The following SCEL variants were observed in gnomAD, a reference collection of about 807,000 sequenced individuals.
SCEL encodes the protein sciellin.
A neutral mutation model predicts 117.6 loss-of-function variants in SCEL; 113 were observed. The observed-to-expected ratio is 0.96, with a 90% confidence interval of 0.83 to 1.12. The LOEUF (loss-of-function observed/expected upper bound fraction) is 1.12. SCEL is among the 50% of genes most tolerant of loss of function. SCEL has a pLI of 0.00. For missense variants in SCEL, 785 were observed against 810.8 expected (o/e 0.97, Z 0.39); for synonymous variants, 270 against 256.2 (o/e 1.05, Z -0.51).
intron 20 of SCEL, 136 bp from the exon 21 acceptor site, chr13:77,608,922 G>A (rs748249915): frequency 3.0e-6 from 2 of 664,788 alleles, no homozygotes; most frequent in Non-Finnish European, 2.5e-6. Context: ...TTTAAATTAA[G>A]AGCATAGACT....
intron 27 of SCEL, among the ~76,000 whole-genome samples, chr13:77,626,766 T>A (rs902553008): frequency 2.0e-5 from 3 of 152,148 alleles, no homozygotes; most frequent in South Asian, 2.1e-4. Flanking sequence ...CCTCTTTTCT[T>A]CATAAATTAC....
chr13:77,607,545 G>T (rs926122775), intron 19 of SCEL, among the ~76,000 whole-genome samples: 5 of 152,276 alleles, frequency 3.3e-5, no homozygotes, highest in South Asian at 2.1e-4. Flanking sequence ...GCATATCATA[G>T]ATTTTTAACA....
chr13:77,596,176 T>C (rs2087216566), intron 12 of SCEL, among the ~76,000 whole-genome samples: 1 of 151,960 alleles, frequency 6.6e-6, no homozygotes, highest in Non-Finnish European at 1.5e-5. Flanking sequence ...CTACTAAAAC[T>C]ACAAAAATTA....
chr13:77,593,295 T>TGTGTGTGTGCGCGCGCGC (rs796907419), intron 11 of SCEL, among the ~76,000 whole-genome samples: 79 of 136,880 alleles, frequency 5.8e-4, no homozygotes, highest in South Asian at 2.6e-3. Flanking sequence ...TGTGTGTGTG[T>TGTGTGTGTGCGCGCGCGC]GTCTGTGTGT....
chr13:77,632,877 CTG>C (rs2090088631), intron 28 of SCEL, among the ~76,000 whole-genome samples: 1 of 152,158 alleles, frequency 6.6e-6, no homozygotes, highest in South Asian at 2.1e-4. Context: ...AAAATGAAGA[CTG>C]GAATTTCTCA....
intron 1 of SCEL, among the ~76,000 whole-genome samples, chr13:77,536,427 G>A (rs1191899658): frequency 1.3e-5 from 2 of 152,106 alleles, no homozygotes; most frequent in Admixed American, 6.6e-5. Flanking sequence ...GGCAGGGTGT[G>A]GGAGCAGAAT....
In SCEL at chr13:77,554,608, C is replaced by T. The variant is rs9574087; in HGVS notation, c.-19-1249C>T. ...AGCTATAGACAGCTGTCCAATAATA[C>T]TGCCTTAAGTCCAATAGCATTGATA... On this transcript the variant is annotated intron_variant, in intron 1 of 32. Transcript: ENST00000349847. Among the ~76,000 whole-genome samples the T allele has an allele frequency of 1.8e-3, 278 of 152,318 alleles. 2 individuals carry two copies. The East Asian group carries it at 0.024, about 13-fold the overall frequency.
chr13:77,536,731 A>T (rs1176669639), intron 1 of SCEL, among the ~76,000 whole-genome samples: 1 of 152,182 alleles, frequency 6.6e-6, no homozygotes. Flanking sequence ...ACAGCTTGCA[A>T]ATTGCAGCTC....
At chr13:77,631,517 G>A (rs934369757) in intron 28 of SCEL, among the ~76,000 whole-genome samples, 4 of 152,164 alleles carry the variant, frequency 2.6e-5, no homozygotes, top group African/African-American at 9.7e-5. Context: ...TATTAATTCT[G>A]TAGGTTTGAC....
Position 77,599,085 on chromosome 13 carries a change from G to A in SCEL, c.798-244G>A, listed in dbSNP as rs142881772. On this transcript the variant is annotated intron_variant, in intron 13 of 32. Transcript: ENST00000349847. ...GGGTAGAAATGCTCCATGAATCCAA[G>A]TAACACCTCTATAGACCTATTGTGG... Among the ~76,000 whole-genome samples, 133 of 152,276 alleles carry A rather than the reference G, an allele frequency of 8.7e-4. 1 individual carries two copies. The highest frequency in any genetic ancestry group is 3.1e-3 in the African/African-American group (129 of 41,554).
intron 2 of SCEL, among the ~76,000 whole-genome samples, 179 bp downstream of exon 2, chr13:77,556,097 G>C (rs2084641403): frequency 6.6e-6 from 1 of 152,100 alleles, no homozygotes; most frequent in East Asian, 1.9e-4. Context: ...TCATGTAATT[G>C]GAATTCAATT....
At chr13:77,638,275 G>A (rs1223602076) in intron 30 of SCEL, among the ~76,000 whole-genome samples, 3 of 152,120 alleles carry the variant, frequency 2.0e-5, no homozygotes, top group Non-Finnish European at 4.4e-5. Context: ...TTGCCCATTA[G>A]CAATGCTTTG....
intron 19 of SCEL, among the ~76,000 whole-genome samples, chr13:77,607,362 C>A (rs1322738505): frequency 1.3e-5 from 2 of 152,166 alleles, no homozygotes; most frequent in Admixed American, 1.3e-4. Flanking sequence ...GAGTGTTGCG[C>A]TTTATATTAC....
chr13:77,602,726 C>T lies in SCEL; in HGVS notation c.1037+13C>T, dbSNP rs1382730482. 6.2e-7 allele frequency: 1 copy of T among 1,606,514 alleles called. No homozygotes were observed. The highest frequency in any genetic ancestry group is 1.3e-5 in the African/African-American group (1 of 74,768). On this transcript the variant is annotated intron_variant, in intron 17 of 32. Coordinates refer to ENST00000349847, the MANE Select transcript of SCEL (RefSeq NM_144777.3). ...AAACGAGCAGAAGGTGAGAACTGAA[C>T]AGATGTCTCTAAATATTGGTTATTT...
intron 8 of SCEL, among the ~76,000 whole-genome samples, chr13:77,571,060 G>A (rs541630461): frequency 1.3e-5 from 2 of 151,304 alleles, no homozygotes; most frequent in Admixed American, 1.3e-4. Context: ...TTGAGCTCCT[G>A]ACCTCGTGAT....
chr13:77,640,846 ATAATT>A (rs1276737953), intron 31 of SCEL, 62 bp downstream of exon 31: 6 of 866,066 alleles, frequency 6.9e-6, no homozygotes, highest in Non-Finnish European at 9.0e-6. Flanking sequence ...GAATAAAATA[ATAATT>A]TAATGTAATA....
chr13:77,567,115 A>AATGAAAATGAAAATAGAGTTC lies in SCEL; in HGVS notation c.291-564_291-563insTGAAAATGAAAATAGAGTTCA, dbSNP rs1567358359. On this transcript the variant is annotated intron_variant, in intron 5 of 32. Transcript: ENST00000349847. ...AAATAATGAAAATGAAAATAGAGTT[A>AATGAAAATGAAAATAGAGTTC]AATGCTCAATGAGTCAGAAAGACAA... Among the ~76,000 whole-genome samples the AATGAAAATGAAAATAGAGTTC allele has an allele frequency of 3.3e-5, 5 of 152,340 alleles. No homozygotes were observed. In the East Asian group the frequency reaches 9.6e-4, roughly 29 times the overall value.
intron 30 of SCEL, among the ~76,000 whole-genome samples, chr13:77,637,581 T>G (rs1336233854): frequency 1.3e-5 from 2 of 152,060 alleles, no homozygotes; most frequent in Non-Finnish European, 2.9e-5. Flanking sequence ...CTGATTTTGA[T>G]GCATATTATC....
At chr13:77,563,218 C>G (rs2085083859) in intron 4 of SCEL, among the ~76,000 whole-genome samples, 1 of 151,018 alleles carries the variant, frequency 6.6e-6, no homozygotes, top group South Asian at 2.1e-4. Context: ...TCCTCTTTTC[C>G]TTCTATCCTT....
Sources: allele counts gnomAD v4.1 joint callset (sites outside exome capture counted in the v4.1 genomes callset), GRCh38; gene constraint gnomAD v4.1.1; transcripts MANE v1.5; gene names NCBI Gene and HGNC (gene_info 2026-07-23, HGNC 2026-07-21).